LRRTM4: variants seen among roughly 807,000 people sequenced by gnomAD.
LRRTM4 encodes leucine-rich repeat transmembrane neuronal protein 4.
In LRRTM4, 25 loss-of-function variants were observed where a neutral mutation model predicts 47.6. The ratio of observed to expected loss-of-function variants is 0.53; its 90% CI spans 0.38 to 0.73. The LOEUF (loss-of-function observed/expected upper bound fraction) is 0.73. Ranked by LOEUF, LRRTM4 falls within the 30% of genes least tolerant of loss-of-function variation. The pLI, the probability that LRRTM4 is intolerant of heterozygous loss-of-function variation, is 0.00. For synonymous variants in LRRTM4, 311 were observed against 269.5 expected, an observed-to-expected ratio of 1.15 and a Z score of -1.51; for missense variants, 638 against 713.4, an observed-to-expected ratio of 0.89 and a Z score of 1.20.
intron 3 of LRRTM4, among the ~76,000 whole-genome samples, chr2:77,208,070 G>T (rs1674191303): frequency 6.6e-6 from 1 of 151,620 alleles, no homozygotes; most frequent in Non-Finnish European, 1.5e-5. Flanking sequence ...GTAGAGACAG[G>T]GTTTCACCAT....
At position 77,137,801 on chromosome 2, in the gene LRRTM4, C is replaced by CA. The variant is rs559253051; in HGVS notation, c.1551+380516dup. On this transcript the variant is annotated intron_variant, in intron 3 of 3. Transcript: ENST00000409884. ...GAAGATCTACCAAGCAAATTTAAAA[C>CA]AAAAAAAGGCAGGATTTGCAATCCT... Among the ~76,000 whole-genome samples the CA allele has an allele frequency of 3.3e-5, 5 of 151,630 alleles. No homozygotes were observed. In the East Asian group the frequency reaches 7.8e-4, roughly 24 times the overall value.
intron 3 of LRRTM4, among the ~76,000 whole-genome samples, chr2:76,827,032 T>C (rs1409348683): frequency 6.6e-6 from 1 of 151,860 alleles, no homozygotes; most frequent in African/African-American, 2.4e-5. Context: ...AATGTGCTGA[T>C]GTAATGGACT....
chr2:77,460,938 A>AT (rs1676764008), intron 3 of LRRTM4, among the ~76,000 whole-genome samples: 1 of 152,094 alleles, frequency 6.6e-6, no homozygotes, highest in Non-Finnish European at 1.5e-5. Context: ...TTTTAAACTA[A>AT]TATTTACCCG....
chr2:76,834,898 G>C (rs533652469), intron 3 of LRRTM4, among the ~76,000 whole-genome samples: 1 of 152,178 alleles, frequency 6.6e-6, no homozygotes, highest in South Asian at 2.1e-4. Context: ...TTTTTCAGAA[G>C]ACTGGAAAAG....
Position 76,843,268 on chromosome 2 carries a change from T to C in LRRTM4, c.1552-94352A>G, listed in dbSNP as rs144048622. On this transcript the variant is annotated intron_variant, in intron 3 of 3. Coordinates refer to ENST00000409884, the MANE Select transcript of LRRTM4 (RefSeq NM_001134745.3). ...TGGTTTGAAGTTTGTCCAGGGTCTATTCTTTTGTACTTGAGCCTAAAAACT... is the reference window on the plus strand; with the variant it reads ...TGGTTTGAAGTTTGTCCAGGGTCTACTCTTTTGTACTTGAGCCTAAAAACT... Among the ~76,000 whole-genome samples, 366 of 152,308 alleles carry C rather than the reference T, an allele frequency of 2.4e-3. 6 individuals carry two copies. Among genetic ancestry groups the C allele is most frequent in the African/African-American group, 8.5e-3 (353 of 41,564 alleles).
chr2:77,309,545 G>T (rs1156458672), intron 3 of LRRTM4, among the ~76,000 whole-genome samples: 1 of 152,106 alleles, frequency 6.6e-6, no homozygotes, highest in Non-Finnish European at 1.5e-5. Flanking sequence ...AGAAGGGAAA[G>T]GCCTGTAAGT....
rs552741791 is a variant in LRRTM4, at chr2:77,094,131, G to A, written c.1552-345215C>T. 2.6e-5 allele frequency among the ~76,000 whole-genome samples: 4 copies of A among 152,142 alleles called. No homozygotes were observed. In the East Asian group the frequency reaches 7.7e-4, roughly 29 times the overall value. On this transcript the variant is annotated intron_variant, in intron 3 of 3. Coordinates refer to ENST00000409884, the MANE Select transcript of LRRTM4 (RefSeq NM_001134745.3). Reference sequence around the variant, plus strand: ...TTTGGTAAAGATACAAAAATCAGTAGCATTTTATACACCACCAACAAAAAA... The same window carrying A: ...TTTGGTAAAGATACAAAAATCAGTAACATTTTATACACCACCAACAAAAAA...
intron 3 of LRRTM4, among the ~76,000 whole-genome samples, chr2:77,319,635 A>G (rs750231844): frequency 3.9e-5 from 6 of 152,160 alleles, no homozygotes; most frequent in Non-Finnish European, 7.3e-5. Context: ...TTATGGGAGT[A>G]AATATCTCAG....
intron 3 of LRRTM4, among the ~76,000 whole-genome samples, chr2:77,445,392 T>A (rs963877615): frequency 1.3e-5 from 2 of 151,930 alleles, no homozygotes; most frequent in Non-Finnish European, 2.9e-5. Context: ...TTTCAATCCT[T>A]GAAGCTGGAC....
intron 3 of LRRTM4, among the ~76,000 whole-genome samples, chr2:76,991,253 A>G (rs1015614902): frequency 5.9e-5 from 9 of 151,722 alleles, no homozygotes; most frequent in African/African-American, 2.2e-4. Flanking sequence ...AGCAAGAATA[A>G]ATTAACCCCA....
At chr2:76,986,541 T>C (rs1465129366) in intron 3 of LRRTM4, among the ~76,000 whole-genome samples, 2 of 151,950 alleles carry the variant, frequency 1.3e-5, no homozygotes, top group Non-Finnish European at 2.9e-5. Flanking sequence ...GTAACTAATG[T>C]GGCTAATCTG....
At chr2:77,115,178 T>G (rs1383909174) in intron 3 of LRRTM4, among the ~76,000 whole-genome samples, 1 of 152,148 alleles carries the variant, frequency 6.6e-6, no homozygotes, top group Non-Finnish European at 1.5e-5. Context: ...GTGATATTTC[T>G]CCTACTTGCA....
chr2:77,421,493 G>A (rs377527867), intron 3 of LRRTM4, among the ~76,000 whole-genome samples: 2 of 152,090 alleles, frequency 1.3e-5, no homozygotes, highest in African/African-American at 2.4e-5. Flanking sequence ...GGATCACGAA[G>A]TCAGGAGATC....
intron 3 of LRRTM4, among the ~76,000 whole-genome samples, chr2:77,103,667 A>ATATATATATATATATATATATATC (rs145819033): frequency 6.2e-5 from 9 of 146,272 alleles, no homozygotes; most frequent in South Asian, 2.2e-4. Context: ...ATATATAGAT[A>ATATATATATATATATATATATATC]TATATATCAC....
intron 3 of LRRTM4, among the ~76,000 whole-genome samples, chr2:76,796,240 AGGGG>A (rs1675315268): frequency 6.7e-5 from 5 of 74,092 alleles, no homozygotes; most frequent in Admixed American, 2.9e-4. Flanking sequence ...AGGCTGGGGG[AGGGG>A]TGCCCGCCAT....
At chr2:76,768,022 A>G (rs552595858) in intron 3 of LRRTM4, among the ~76,000 whole-genome samples, 1 of 152,212 alleles carries the variant, frequency 6.6e-6, no homozygotes, top group East Asian at 1.9e-4. Flanking sequence ...AGCCAATTTC[A>G]TAAGAAATTT....
chr2:77,026,437 T>C (rs1189198104), intron 3 of LRRTM4, among the ~76,000 whole-genome samples: 2 of 152,102 alleles, frequency 1.3e-5, no homozygotes, highest in African/African-American at 2.4e-5. Context: ...AGAATGATCA[T>C]GGGAGTGGTT....
At chr2:77,463,212 A>C (rs1401513303) in intron 3 of LRRTM4, among the ~76,000 whole-genome samples, 1 of 152,042 alleles carries the variant, frequency 6.6e-6, no homozygotes, top group African/African-American at 2.4e-5. Flanking sequence ...TAAACACTAT[A>C]GGCAATTTTA....
At chr2:77,238,290 A>G (rs1398582891) in intron 3 of LRRTM4, among the ~76,000 whole-genome samples, 1 of 152,152 alleles carries the variant, frequency 6.6e-6, no homozygotes, top group African/African-American at 2.4e-5. Flanking sequence ...AAAAATAAGT[A>G]CAAAATTTTT....
Sources: gnomAD v4.1 joint callset for allele counts (sites outside exome capture counted in the v4.1 genomes callset) on GRCh38, gnomAD v4.1.1 for gene constraint, MANE v1.5 for transcripts, NCBI Gene and HGNC (gene_info 2026-07-23, HGNC 2026-07-21) for gene names.